MASP1: variants seen among roughly 807,000 people sequenced by gnomAD.
MASP1 encodes the protein mannan-binding lectin serine protease 1.
In MASP1, 59 loss-of-function variants were observed where a neutral mutation model predicts 77.1. The observed-to-expected ratio is 0.77, with a 90% CI of 0.62 to 0.95. MASP1 has a LOEUF of 0.95. Ranked by LOEUF, MASP1 falls within the 40% of genes least tolerant of loss-of-function variation. The probability of loss-of-function intolerance (pLI) is 0.00; values close to 1 mark genes in which losing one functional copy is unlikely to be tolerated. For missense variants in MASP1, 885 were observed against 912.9 expected, an observed-to-expected ratio of 0.97 and a Z score of 0.39; for synonymous variants, 362 against 354.5, an observed-to-expected ratio of 1.02 and a Z score of -0.24.
At chr3:187,224,599 G>T (rs1712292466) in intron 13 of MASP1, among the ~76,000 whole-genome samples, 1 of 152,000 alleles carries the variant, frequency 6.6e-6, no homozygotes, top group South Asian at 2.1e-4. Context: ...GCCCGCCTCG[G>T]CCTCCCAAAG....
chr3:187,257,171 G>A (rs1372773682), intron 4 of MASP1, among the ~76,000 whole-genome samples: 1 of 152,044 alleles, frequency 6.6e-6, no homozygotes, highest in African/African-American at 2.4e-5. Flanking sequence ...TTGAGATGGA[G>A]TGGTCAGGGG....
At chr3:187,289,180 C>CCT (rs11391962) in intron 1 of MASP1, among the ~76,000 whole-genome samples, 1 of 151,908 alleles carries the variant, frequency 6.6e-6, no homozygotes, top group Non-Finnish European at 1.5e-5. Flanking sequence ...AGAGGCCCCC[C>CCT]GTAGGAACAG....
chr3:187,270,986 T>C (rs1716473299), intron 2 of MASP1, among the ~76,000 whole-genome samples: 1 of 152,210 alleles, frequency 6.6e-6, no homozygotes, highest in Non-Finnish European at 1.5e-5. Context: ...AAAATGGATA[T>C]TGTTTTAGCT....
At chr3:187,227,225 C>T (rs958146824) in intron 11 of MASP1, among the ~76,000 whole-genome samples, 10 of 152,130 alleles carry the variant, frequency 6.6e-5, no homozygotes, top group African/African-American at 2.2e-4. Flanking sequence ...CTGATCTAGA[C>T]CTTTCATTAT....
At chr3:187,250,175 C>G in intron 8 of MASP1, 76 bp downstream of exon 8, 1 of 1,194,472 alleles carries the variant, frequency 8.4e-7, no homozygotes, top group Non-Finnish European at 1.3e-6. Context: ...AAGCTTTCAC[C>G]CTTGCATGCT....
chr3:187,291,234 A>T, intron 1 of MASP1: 3 of 345,808 alleles, frequency 8.7e-6, no homozygotes, highest in South Asian at 7.9e-5. Context: ...ACAAACACAT[A>T]TCTAACTCAC....
chr3:187,218,786 G>A (rs566716490), exon 16 of MASP1: 2 of 152,408 alleles, frequency 1.3e-5, no homozygotes, highest in Admixed American at 1.3e-4. Flanking sequence ...AGGGCATAAA[G>A]TCTCTAGAAG....
exon 15 of MASP1, chr3:187,221,115 T>C: frequency 6.2e-7 from 1 of 1,613,932 alleles, no homozygotes; most frequent in South Asian, 1.1e-5. Flanking sequence ...GGTGCTGTGG[T>C]CAACAATCGG....
chr3:187,220,056 G>A (rs767234452), exon 16 of MASP1: 26 of 1,612,654 alleles, frequency 1.6e-5, no homozygotes, highest in Non-Finnish European at 1.9e-5. Context: ...TGGTGCTGGG[G>A]CTGAGGAGCC....
chr3:187,219,922 G>A, exon 16 of MASP1: 2 of 769,652 alleles, frequency 2.6e-6, no homozygotes, highest in Non-Finnish European at 4.4e-6. Flanking sequence ...TGAAAAGGGG[G>A]TGAAGATACC....
At chr3:187,267,588 G>A (rs990498492) in intron 2 of MASP1, among the ~76,000 whole-genome samples, 3 of 152,308 alleles carry the variant, frequency 2.0e-5, no homozygotes, top group Admixed American at 6.5e-5. Flanking sequence ...TTGCTCTCAC[G>A]TTCCTCTACT....
intron 2 of MASP1, among the ~76,000 whole-genome samples, chr3:187,266,936 T>C (rs1716080849): frequency 6.6e-6 from 1 of 152,234 alleles, no homozygotes; most frequent in Non-Finnish European, 1.5e-5. Context: ...ACTCTCGCTA[T>C]GTATGGCTGC....
In MASP1 at chr3:187,286,016, T is replaced by C; in HGVS notation, c.46A>G (p.Lys16Glu). Residue 16 changes from lysine (K) to glutamate (E), a missense_variant, in exon 2 of 11, where the codon AAG (lysine) becomes GAG (glutamate). Lys to Glu is a moderately conservative substitution (Grantham distance 56). Transcript: ENST00000296280. Reference sequence around the variant, plus strand: ...AGCTCCACGGTGTGGGCTGAAGCCTTTGACAGGGAGAAGCACAGAGCATAA... The same window carrying C: ...AGCTCCACGGTGTGGGCTGAAGCCTCTGACAGGGAGAAGCACAGAGCATAA... ...LYYALCFSLS[K>E]ASAHTVELNN... is the part of the protein sequence containing the mutation. 6.2e-7 allele frequency: 1 copy of C among 1,614,178 alleles called. No individual in the cohort carries two copies. Among genetic ancestry groups the C allele is most frequent in the Non-Finnish European group, 8.5e-7 (1 of 1,180,022 alleles).
chr3:187,255,289 C>G (rs1286240427), intron 5 of MASP1, among the ~76,000 whole-genome samples: 1 of 152,160 alleles, frequency 6.6e-6, no homozygotes, highest in African/African-American at 2.4e-5. Context: ...CTGAGCGCAA[C>G]TTCTAGAGCT....
chr3:187,247,358 A>G, intron 8 of MASP1: 1 of 1,614,020 alleles, frequency 6.2e-7, no homozygotes. Context: ...CTCTGACTTG[A>G]GTTCGCTCTC....
chr3:187,243,421 G>A, intron 9 of MASP1, 63 bp downstream of exon 9: 2 of 1,587,878 alleles, frequency 1.3e-6, no homozygotes, highest in Non-Finnish European at 1.7e-6. Flanking sequence ...TCGGCCCCCA[G>A]TCCAACCCTG....
At chr3:187,222,064 C>T (rs1430146998) in intron 14 of MASP1, among the ~76,000 whole-genome samples, 2 of 152,276 alleles carry the variant, frequency 1.3e-5, no homozygotes, top group African/African-American at 2.4e-5. Context: ...CATGGCCTTC[C>T]CTGGATAAGG....
intron 10 of MASP1, among the ~76,000 whole-genome samples, chr3:187,238,581 C>G (rs1407318473): frequency 6.6e-6 from 1 of 152,086 alleles, no homozygotes; most frequent in East Asian, 1.9e-4. Context: ...TTCTAGAGGA[C>G]AGTGGTTACT....
chr3:187,278,627 C>T (rs1233233740), intron 2 of MASP1, among the ~76,000 whole-genome samples: 1 of 152,216 alleles, frequency 6.6e-6, no homozygotes, highest in Non-Finnish European at 1.5e-5. Flanking sequence ...TACACATCTT[C>T]ACGTTCCTGA....
Sources: gnomAD v4.1 joint callset for allele counts (sites outside exome capture counted in the v4.1 genomes callset) on GRCh38, gnomAD v4.1.1 for gene constraint, MANE v1.5 for transcripts, NCBI Gene and HGNC (gene_info 2026-07-23, HGNC 2026-07-21) for gene names.